RANBP2: variants seen among roughly 807,000 people sequenced by gnomAD.
RANBP2 encodes the protein RAN binding protein 2.
RANBP2 carries 57 observed loss-of-function variants against 303.6 expected under a neutral mutation model. That is an observed-to-expected ratio of 0.19 (90% confidence interval 0.15 to 0.23). RANBP2 has a LOEUF of 0.23. Among genes scored for constraint, RANBP2 ranks in the 10% least tolerant of loss-of-function variants. The pLI, the probability that RANBP2 is intolerant of heterozygous loss-of-function variation, is 1.00. For missense variants in RANBP2, 3,138 were observed against 3,780.8 expected (o/e 0.83, Z 4.46); for synonymous variants, 1,167 against 1,301.5 (o/e 0.90, Z 2.23).
the RANBP2 span, among the ~76,000 whole-genome samples, chr2:109,160,338 G>A: frequency 6.6e-6 from 1 of 152,218 alleles, no homozygotes; most frequent in Non-Finnish European, 1.5e-5. Flanking sequence ...CCCATGCTTT[G>A]TTGGGTGAGA....
At chr2:109,317,974 A>G in the RANBP2 span, among the ~76,000 whole-genome samples, 1 of 152,180 alleles carries the variant, frequency 6.6e-6, no homozygotes, top group East Asian at 2.0e-4. Context: ...ATTCTGTGGC[A>G]AAGGCCAAGG....
chr2:109,303,236 C>T, the RANBP2 span, among the ~76,000 whole-genome samples: 1 of 152,130 alleles, frequency 6.6e-6, no homozygotes, highest in Non-Finnish European at 1.5e-5. Flanking sequence ...TTCACTTGGC[C>T]CCAACAGGAT....
At chr2:109,389,962 C>A in the RANBP2 span, among the ~76,000 whole-genome samples, 5 of 152,284 alleles carry the variant, frequency 3.3e-5, no homozygotes, top group East Asian at 9.7e-4. Flanking sequence ...CCCCTTGTTC[C>A]TCCTCACCCA....
chr2:109,270,820 G>T, the RANBP2 span, among the ~76,000 whole-genome samples: 2 of 152,230 alleles, frequency 1.3e-5, no homozygotes, highest in African/African-American at 4.8e-5. Flanking sequence ...GTTACAGACA[G>T]AAGTCACAGT....
the RANBP2 span, among the ~76,000 whole-genome samples, chr2:109,059,103 G>A: frequency 6.6e-6 from 1 of 152,176 alleles, no homozygotes; most frequent in East Asian, 1.9e-4. Flanking sequence ...AAGCGGGGGT[G>A]GGGAAGGGGA....
At chr2:109,644,448 G>A in the RANBP2 span, among the ~76,000 whole-genome samples, 7,132 of 152,252 alleles carry the variant, frequency 0.047, 634 homozygotes, top group East Asian at 0.24. Flanking sequence ...CAATGGTATT[G>A]AAAACCATGG....
At chr2:109,463,984 G>C in the RANBP2 span, among the ~76,000 whole-genome samples, 1 of 152,192 alleles carries the variant, frequency 6.6e-6, no homozygotes, top group African/African-American at 2.4e-5. Context: ...AGGAGAGGAA[G>C]GATAGACCCT....
At chr2:109,218,332 ACTT>A in the RANBP2 span, among the ~76,000 whole-genome samples, 4 of 152,094 alleles carry the variant, frequency 2.6e-5, no homozygotes, top group East Asian at 3.9e-4. Flanking sequence ...GATTTCTTCT[ACTT>A]CACCAGAATT....
chr2:109,668,874 G>T, the RANBP2 span, among the ~76,000 whole-genome samples: 4 of 152,042 alleles, frequency 2.6e-5, no homozygotes, highest in Non-Finnish European at 5.9e-5. Context: ...AATCAGAAAG[G>T]GCCATTATAA....
the RANBP2 span, among the ~76,000 whole-genome samples, chr2:109,435,451 C>A: frequency 6.6e-6 from 1 of 152,242 alleles, no homozygotes; most frequent in Non-Finnish European, 1.5e-5. Context: ...GATCCACCAC[C>A]TGTGTTTGCC....
chr2:109,444,980 G>C, the RANBP2 span, among the ~76,000 whole-genome samples: 1 of 152,162 alleles, frequency 6.6e-6, no homozygotes, highest in Non-Finnish European at 1.5e-5. Context: ...GGATGGCTAT[G>C]AATCAGAAAC....
the RANBP2 span, among the ~76,000 whole-genome samples, chr2:109,190,913 T>C: frequency 6.6e-6 from 1 of 151,760 alleles, no homozygotes; most frequent in Admixed American, 6.6e-5. Flanking sequence ...AGTATTGTGA[T>C]ACTTTGCCTA....
At chr2:109,015,230 G>A in the RANBP2 span, among the ~76,000 whole-genome samples, 1 of 149,588 alleles carries the variant, frequency 6.7e-6, no homozygotes, top group Non-Finnish European at 1.5e-5. Flanking sequence ...GAACAACCTG[G>A]GTTTGAACTA....
chr2:109,343,615 GCT>G, the RANBP2 span, among the ~76,000 whole-genome samples: 292 of 152,264 alleles, frequency 1.9e-3, 1 homozygote, highest in Non-Finnish European at 1.7e-3. Flanking sequence ...CGAGAATCAT[GCT>G]CTCAGTACCA....
chr2:108,992,617 C>G, the RANBP2 span, among the ~76,000 whole-genome samples: 1 of 152,246 alleles, frequency 6.6e-6, no homozygotes, highest in African/African-American at 2.4e-5. Context: ...CAGGTGAAGT[C>G]TATCTCAGAA....
the RANBP2 span, among the ~76,000 whole-genome samples, chr2:109,679,301 G>A: frequency 6.6e-6 from 1 of 152,200 alleles, no homozygotes; most frequent in East Asian, 1.9e-4. Context: ...TCACAGCTTT[G>A]CACATGTCTG....
chr2:109,214,886 G>T, the RANBP2 span, among the ~76,000 whole-genome samples: 401 of 152,342 alleles, frequency 2.6e-3, 2 homozygotes, highest in African/African-American at 9.3e-3. Flanking sequence ...GGAGATCTGA[G>T]ACTTGGAGGG....
the RANBP2 span, chr2:108,794,532 C>A: frequency 6.3e-7 from 1 of 1,588,240 alleles, no homozygotes; most frequent in Non-Finnish European, 8.6e-7. Flanking sequence ...ATGTTATTTT[C>A]TTTGCAGTTG....
At chr2:109,550,319 T>G in the RANBP2 span, among the ~76,000 whole-genome samples, 834 of 148,598 alleles carry the variant, frequency 5.6e-3, 12 homozygotes, top group South Asian at 0.056. Flanking sequence ...ATCTTTTTTT[T>G]TTTTGTTTTT....
Sources: allele counts gnomAD v4.1 joint callset (sites outside exome capture counted in the v4.1 genomes callset), GRCh38; gene constraint gnomAD v4.1.1; transcripts MANE v1.5; gene names NCBI Gene and HGNC (gene_info 2026-07-23, HGNC 2026-07-21).